The following ERBB4 variants were observed in gnomAD, a reference collection of about 807,000 sequenced individuals.
ERBB4 encodes the protein erb-b2 receptor tyrosine kinase 4, also known as receptor tyrosine-protein kinase erbB-4.
Under a neutral mutation model 158.0 loss-of-function variants are expected in ERBB4, and 42 were observed. The ratio of observed to expected loss-of-function variants is 0.27; its 90% CI spans 0.21 to 0.34. ERBB4 has a LOEUF of 0.34. ERBB4 is among the 10% of genes least tolerant of loss of function. ERBB4 has a pLI of 1.00. For missense variants in ERBB4, 1,333 were observed against 1,624.1 expected (o/e 0.82, Z 3.08); for synonymous variants, 583 against 558.7 (o/e 1.04, Z -0.61).
At chr2:212,065,692 A>G (rs1334147317) in intron 2 of ERBB4, among the ~76,000 whole-genome samples, 1 of 152,054 alleles carries the variant, frequency 6.6e-6, no homozygotes, top group East Asian at 1.9e-4. Flanking sequence ...TGACTTAAAC[A>G]GATTACATGT....
At chr2:212,312,688 C>G (rs1238628289) in intron 1 of ERBB4, among the ~76,000 whole-genome samples, 2 of 150,712 alleles carry the variant, frequency 1.3e-5, no homozygotes, top group Non-Finnish European at 3.0e-5. Context: ...AGTGATTGAT[C>G]AAGATGGAAA....
chr2:212,160,618 T>C (rs746607376), intron 1 of ERBB4, among the ~76,000 whole-genome samples: 26 of 152,020 alleles, frequency 1.7e-4, no homozygotes, highest in Admixed American at 2.6e-4. Flanking sequence ...TAGTATTCTA[T>C]ATGTTCCTCT....
chr2:211,625,729 A>C (rs1280920157), intron 17 of ERBB4, among the ~76,000 whole-genome samples: 1 of 152,202 alleles, frequency 6.6e-6, no homozygotes, highest in African/African-American at 2.4e-5. Flanking sequence ...TACATATGCT[A>C]TATGTATAAT....
At chr2:212,282,773 G>A (rs1223647775) in intron 1 of ERBB4, among the ~76,000 whole-genome samples, 11 of 151,842 alleles carry the variant, frequency 7.2e-5, no homozygotes, top group Non-Finnish European at 7.4e-5. Flanking sequence ...GGTGACTTTG[G>A]TAATTAGCCA....
At chr2:211,974,764 A>C (rs1383744510) in intron 2 of ERBB4, among the ~76,000 whole-genome samples, 1 of 152,156 alleles carries the variant, frequency 6.6e-6, no homozygotes. Context: ...ACTGTCTCAA[A>C]AAAGAAGAAA....
chr2:211,705,975 A>G lies in ERBB4; in HGVS notation c.1125-584T>C, dbSNP rs113691319. 5.2e-3 allele frequency among the ~76,000 whole-genome samples: 794 copies of G among 152,292 alleles called. 5 individuals are homozygous for G. Among genetic ancestry groups the G allele is most frequent in the African/African-American group, 0.018 (751 of 41,560 alleles). Reference sequence around the variant, plus strand: ...ACTTAGAACCATCTTGTTCCTATCTAGCTTATTCATATTCACGTTTATAAC... The same window carrying G: ...ACTTAGAACCATCTTGTTCCTATCTGGCTTATTCATATTCACGTTTATAAC... On this transcript the variant is annotated intron_variant, in intron 9 of 27. Coordinates refer to ENST00000342788, the MANE Select transcript of ERBB4 (RefSeq NM_005235.3).
At chr2:212,085,528 C>T (rs1429722710) in intron 2 of ERBB4, among the ~76,000 whole-genome samples, 1 of 151,866 alleles carries the variant, frequency 6.6e-6, no homozygotes, top group Non-Finnish European at 1.5e-5. Flanking sequence ...TGACACCTGA[C>T]TGAAGAGTGG....
At chr2:211,555,286 A>T (rs189916016) in intron 20 of ERBB4, among the ~76,000 whole-genome samples, 4 of 152,248 alleles carry the variant, frequency 2.6e-5, no homozygotes, top group Admixed American at 2.6e-4. Context: ...CCCAGGTTCA[A>T]GCGATTCTCC....
intron 1 of ERBB4, among the ~76,000 whole-genome samples, chr2:212,321,591 G>A (rs958371487): frequency 6.7e-6 from 1 of 150,334 alleles, no homozygotes; most frequent in Middle Eastern, 3.2e-3. Flanking sequence ...TCCAACTACT[G>A]GAAGCTGAGA....
intron 25 of ERBB4, among the ~76,000 whole-genome samples, chr2:211,399,782 G>A (rs1258669531): frequency 6.6e-6 from 1 of 152,000 alleles, no homozygotes; most frequent in Non-Finnish European, 1.5e-5. Context: ...TATTGCTTTG[G>A]AGACCTAGAG....
chr2:212,113,162 G>A (rs2079466327), intron 2 of ERBB4, among the ~76,000 whole-genome samples: 1 of 152,144 alleles, frequency 6.6e-6, no homozygotes, highest in African/African-American at 2.4e-5. Flanking sequence ...AATAGAGATA[G>A]CTTATATTTA....
At chr2:212,181,308 G>A (rs976204127) in intron 1 of ERBB4, among the ~76,000 whole-genome samples, 2 of 151,510 alleles carry the variant, frequency 1.3e-5, no homozygotes, top group Non-Finnish European at 3.0e-5. Flanking sequence ...TTTTGTTGTT[G>A]TTGGGCTGCC....
chr2:211,519,745 A>C (rs555260935), intron 20 of ERBB4, among the ~76,000 whole-genome samples: 1 of 152,302 alleles, frequency 6.6e-6, no homozygotes, highest in African/African-American at 2.4e-5. Flanking sequence ...TGCATTTCTA[A>C]TTGCATCATG....
chr2:212,012,814 G>A (rs1327430742), intron 2 of ERBB4, among the ~76,000 whole-genome samples: 1 of 151,896 alleles, frequency 6.6e-6, no homozygotes, highest in Non-Finnish European at 1.5e-5. Context: ...GTGCAATCAT[G>A]GCTCACAGAA....
chr2:211,856,590 T>C (rs71422761), intron 3 of ERBB4, among the ~76,000 whole-genome samples: 17,012 of 151,780 alleles, frequency 0.11, 1,237 homozygotes, highest in Non-Finnish European at 0.15. Context: ...GGTTTCACCG[T>C]GTTAGCCAGG....
At position 211,382,527 on chromosome 2, in the gene ERBB4, T is replaced by G. The variant is rs1490262864; in HGVS notation, c.*1088A>C. 4 of 232,816 alleles carry G rather than the reference T, an allele frequency of 1.7e-5. No homozygotes were observed. Among genetic ancestry groups the G allele is most frequent in the Non-Finnish European group, 2.6e-5 (3 of 117,608 alleles). The allele number at this position is 232,816 out of a possible 1,614,324, so 14.4% of individuals were successfully genotyped here. A position where few individuals can be genotyped will look rare whatever the true frequency, so the allele number is the denominator to read the frequency against. On this transcript the variant is annotated 3_prime_UTR_variant, in exon 28 of 28. Transcript: ENST00000342788. ...AAAAAGAACAAATAAAATTACAGCT[T>G]AAGTGCAAACTACATTTCTGAGTAT... is the stretch of plus-strand genomic sequence containing the variant.
rs1398250149 is a variant in ERBB4 at position 211,381,632 on chromosome 2, G to T, written c.*1983C>A. ...ATCTGAGTGTTCCCCACAAAACATG[G>T]TGCTTTTAGTAGACACAGTTAGATA... is the stretch of plus-strand genomic sequence containing the variant. On this transcript the variant is annotated 3_prime_UTR_variant, in exon 28 of 28. Coordinates refer to ENST00000342788, the MANE Select transcript of ERBB4 (RefSeq NM_005235.3). 1 of 231,490 alleles carries T rather than the reference G, an allele frequency of 4.3e-6. No homozygotes were observed. Among genetic ancestry groups the T allele is most frequent in the African/African-American group, 2.2e-5 (1 of 45,224 alleles). 14.3% of individuals were successfully genotyped at this position (231,490 alleles called of 1,614,324 possible). A position where few individuals can be genotyped will look rare whatever the true frequency, so the allele number is the denominator to read the frequency against.
At chr2:212,042,066 G>C (rs940224450) in intron 2 of ERBB4, among the ~76,000 whole-genome samples, 1 of 151,924 alleles carries the variant, frequency 6.6e-6, no homozygotes, top group African/African-American at 2.4e-5. Context: ...GTTTGCTTTA[G>C]TGGTTCTCCC....
chr2:212,308,009 G>A (rs2086876862), intron 1 of ERBB4, among the ~76,000 whole-genome samples: 1 of 150,446 alleles, frequency 6.6e-6, no homozygotes, highest in South Asian at 2.1e-4. Flanking sequence ...TTTTGAGAAA[G>A]GAGTTGTTGT....
Sources: allele counts gnomAD v4.1 joint callset (sites outside exome capture counted in the v4.1 genomes callset), GRCh38; gene constraint gnomAD v4.1.1; transcripts MANE v1.5; gene names NCBI Gene and HGNC (gene_info 2026-07-23, HGNC 2026-07-21).